GDPD1: variants seen among roughly 807,000 people sequenced by gnomAD.
GDPD1 encodes lysophospholipase D GDPD1.
Under a neutral mutation model 45.1 loss-of-function variants are expected in GDPD1, and 28 were observed. That is an observed-to-expected ratio of 0.62 (90% CI 0.46 to 0.85). The LOEUF (loss-of-function observed/expected upper bound fraction) is 0.85, where lower values mean the gene tolerates loss of function less well. Ranked by LOEUF, GDPD1 falls within the 40% of genes least tolerant of loss-of-function variation. The pLI is 0.00. For synonymous variants in GDPD1, 139 were observed against 131.4 expected (o/e 1.06, Z -0.40); for missense variants, 256 against 364.8 (o/e 0.70, Z 2.43).
chr17:59,222,505 C>CGTTTTTTTTTTTTTT (rs2047013414), intron 1 of GDPD1, among the ~76,000 whole-genome samples: 1 of 41,754 alleles, frequency 2.4e-5, no homozygotes, highest in Non-Finnish European at 4.6e-5. Flanking sequence ...AGTGCCCAGC[C>CGTTTTTTTTTTTTTT]TTTTTTTTTT....
chr17:59,244,399 T>C lies in GDPD1; in HGVS notation c.186-1015T>C, dbSNP rs151180780. 6.0e-4 allele frequency among the ~76,000 whole-genome samples: 92 copies of C among 152,324 alleles called. 2 individuals carry two copies. The East Asian group carries it at 0.018, about 29-fold the overall frequency. On this transcript the variant is annotated intron_variant, in intron 2 of 9. Transcript: ENST00000284116. ...TTTTAGTAGAGACAAGGTTTCACCA[T>C]GTTGGCCAGGATAGTTTCAATCTCC...
At position 59,257,141 on chromosome 17, in the gene GDPD1, A is replaced by G; in HGVS notation, c.387A>G (p.Lys129=). The part of the protein sequence containing the change: ...SFQRACQCEG[K]DNRIPLLKEV... ...TCTCAGCATGCCAGTGTGAAGGAAA[A>G]GATAACCGAATTCCATTACTGAAGG... is the stretch of plus-strand genomic sequence containing the variant. The change falls in exon 5 of 10, where the codon AAA becomes AAG. Residue 129 remains lysine, a synonymous_variant. Coordinates refer to ENST00000284116, the MANE Select transcript of GDPD1 (RefSeq NM_182569.4). 6.3e-7 allele frequency: 1 copy of G among 1,594,858 alleles called. No individual in the cohort carries two copies. Among genetic ancestry groups the G allele is most frequent in the Non-Finnish European group, 8.6e-7 (1 of 1,168,572 alleles).
chr17:59,230,544 G>A (rs373960660), intron 1 of GDPD1, among the ~76,000 whole-genome samples: 1 of 151,612 alleles, frequency 6.6e-6, no homozygotes, highest in Non-Finnish European at 1.5e-5. Flanking sequence ...CACCATGCCC[G>A]GCTAATTTTG....
intron 3 of GDPD1, among the ~76,000 whole-genome samples, chr17:59,247,804 G>A (rs984093697): frequency 2.6e-5 from 4 of 151,674 alleles, no homozygotes; most frequent in African/African-American, 9.7e-5. Context: ...CTAATTTTTC[G>A]TATTTAGTAG....
intron 1 of GDPD1, among the ~76,000 whole-genome samples, chr17:59,232,121 T>A (rs2047095171): frequency 6.6e-6 from 1 of 152,130 alleles, no homozygotes; most frequent in Non-Finnish European, 1.5e-5. Context: ...AAAAATGATG[T>A]CTGACCTCCT....
chr17:59,271,190 G>C lies in GDPD1; in HGVS notation c.770+195G>C, dbSNP rs116057698. Among the ~76,000 whole-genome samples, 487 of 152,266 alleles carry C rather than the reference G, an allele frequency of 3.2e-3. 3 individuals carry two copies. Among genetic ancestry groups the C allele is most frequent in the African/African-American group, 0.011 (450 of 41,558 alleles). ...CACAAAATCTTAGGAAGAATCTTGAGAGATAATGTCCTCCAACTTCATGAG... is the reference window on the plus strand; with the variant it reads ...CACAAAATCTTAGGAAGAATCTTGACAGATAATGTCCTCCAACTTCATGAG... On this transcript the variant is annotated intron_variant, in intron 8 of 9. Coordinates refer to ENST00000284116, the MANE Select transcript of GDPD1 (RefSeq NM_182569.4).
chr17:59,237,600 A>G (rs2047142733), intron 2 of GDPD1, among the ~76,000 whole-genome samples: 1 of 152,136 alleles, frequency 6.6e-6, no homozygotes, highest in African/African-American at 2.4e-5. Context: ...ATTTATGTAC[A>G]TATTTAAATA....
intron 1 of GDPD1, among the ~76,000 whole-genome samples, chr17:59,232,053 C>T (rs1597964899): frequency 1.3e-5 from 2 of 152,096 alleles, no homozygotes; most frequent in African/African-American, 4.8e-5. Flanking sequence ...CTATGTTTAG[C>T]GATGATAATG....
At chr17:59,235,589 G>A (rs1392392368) in intron 2 of GDPD1, among the ~76,000 whole-genome samples, 1 of 152,046 alleles carries the variant, frequency 6.6e-6, no homozygotes, top group African/African-American at 2.4e-5. Flanking sequence ...AGGCGAGGCA[G>A]GTTAATCACC....
At chr17:59,224,643 AAAAC>A (rs1322844785) in intron 1 of GDPD1, among the ~76,000 whole-genome samples, 11 of 123,208 alleles carry the variant, frequency 8.9e-5, no homozygotes, top group South Asian at 2.2e-4. Flanking sequence ...AAAAAAACAA[AAAAC>A]AAAAACAAAA....
chr17:59,253,224 T>C (rs1327379979), intron 4 of GDPD1, among the ~76,000 whole-genome samples: 1 of 152,148 alleles, frequency 6.6e-6, no homozygotes, highest in African/African-American at 2.4e-5. Flanking sequence ...TGTCTATCTT[T>C]CCTATTTCCT....
intron 3 of GDPD1, among the ~76,000 whole-genome samples, chr17:59,246,140 A>G (rs1721932406): frequency 3.3e-5 from 5 of 151,914 alleles, no homozygotes; most frequent in Admixed American, 3.3e-4. Context: ...GATTATTATA[A>G]CGTATATATT....
intron 6 of GDPD1, among the ~76,000 whole-genome samples, chr17:59,259,371 T>C (rs1416455820): frequency 1.3e-5 from 2 of 151,410 alleles, no homozygotes; most frequent in East Asian, 3.9e-4. Flanking sequence ...ATTGAGACCA[T>C]CCTGGCTAAC....
intron 4 of GDPD1, among the ~76,000 whole-genome samples, chr17:59,251,449 G>A (rs2047252961): frequency 2.0e-5 from 3 of 151,482 alleles, no homozygotes; most frequent in Admixed American, 2.0e-4. Context: ...AACCTGGGAG[G>A]CAGAGGTTGC....
chr17:59,235,607 C>T (rs1597967686), intron 2 of GDPD1, among the ~76,000 whole-genome samples: 1 of 151,856 alleles, frequency 6.6e-6, no homozygotes, highest in Non-Finnish European at 1.5e-5. Flanking sequence ...ACCTGAGGTC[C>T]GGAGTTCAAG....
At chr17:59,266,908 G>T (rs1271539564) in intron 6 of GDPD1, 133 bp from the exon 7 acceptor site, 2 of 737,830 alleles carry the variant, frequency 2.7e-6, no homozygotes, top group East Asian at 2.6e-5. Flanking sequence ...ATTTGCAAAT[G>T]AATATTCATA....
rs146714990 is a variant in GDPD1, at chr17:59,262,282, C to A, written c.576+4442C>A. On this transcript the variant is annotated intron_variant, in intron 6 of 9. Transcript: ENST00000284116. ...TAAAATGAAGGCACATTCCCTAAAA[C>A]CTATACATGAATGTTTATAGCAACT... Among the ~76,000 whole-genome samples, 733 of 152,148 alleles carry A rather than the reference C, an allele frequency of 4.8e-3. 9 individuals carry two copies. The highest frequency in any genetic ancestry group is 0.017 in the African/African-American group (688 of 41,502).
chr17:59,270,895 C>G, intron 7 of GDPD1, 41 bp from the exon 8 acceptor site: 1 of 1,250,866 alleles, frequency 8.0e-7, no homozygotes, highest in Non-Finnish European at 1.2e-6. Context: ...TGATATATTT[C>G]TGTGTTTCTA....
rs375237158 is a variant in GDPD1 at position 59,270,979 on chromosome 17, A to G, written c.754A>G (p.Ile252Val). 2.5e-6 allele frequency: 4 copies of G among 1,595,496 alleles called. No homozygotes were observed. The highest frequency in any genetic ancestry group is 2.2e-5 in the South Asian group (2 of 89,122). Residue 252 changes from isoleucine to valine, a missense_variant, in exon 8 of 10, where the codon ATC (isoleucine) becomes GTC (valine). By Grantham distance (29) the Ile-to-Val change is conservative. Coordinates refer to ENST00000284116, the MANE Select transcript of GDPD1 (RefSeq NM_182569.4). ...CATGTCCAGAAGTCAAAAGTTTCTC[A>G]TCTGGCTTTCTGATCTGTAAGAATT... ...HTMSRSQKFLIWLSDLLLMRK... is the reference protein window; with the variant it reads ...HTMSRSQKFLVWLSDLLLMRK...
Sources: gnomAD v4.1 joint callset for allele counts (sites outside exome capture counted in the v4.1 genomes callset) on GRCh38, gnomAD v4.1.1 for gene constraint, MANE v1.5 for transcripts, NCBI Gene and HGNC (gene_info 2026-07-23, HGNC 2026-07-21) for gene names.